The following NF1 variants were observed in gnomAD, a reference collection of about 807,000 sequenced individuals.
The protein encoded by NF1 is neurofibromin.
Under a neutral mutation model 325.7 loss-of-function variants are expected in NF1, and 122 were observed. The observed-to-expected ratio is 0.37, with a 90% CI of 0.32 to 0.44. NF1 has a LOEUF of 0.44. Ranked by LOEUF, NF1 falls within the 20% of genes least tolerant of loss-of-function variation. The pLI is 1.00. For missense variants in NF1, 2,140 were observed against 3,415.4 expected (o/e 0.63, Z 9.31); for synonymous variants, 1,091 against 1,186.0 (o/e 0.92, Z 1.65).
At chr17:31,350,039 A>G in intron 49 of NF1, 144 bp from the exon 50 acceptor site, 4 of 814,652 alleles carry the variant, frequency 4.9e-6, no homozygotes, top group Non-Finnish European at 6.3e-6. Flanking sequence ...ATCTCTCTGT[A>G]TATTTCACAT....
intron 1 of NF1, chr17:31,136,615 C>T (rs1265898093): frequency 6.6e-6 from 1 of 152,168 alleles, no homozygotes; most frequent in Non-Finnish European, 1.5e-5. Flanking sequence ...CTGTTAGTCA[C>T]TTAGTAGCCA....
intron 31 of NF1, chr17:31,254,269 C>CT (rs1197452956): frequency 6.3e-5 from 6 of 95,220 alleles, no homozygotes; most frequent in Non-Finnish European, 9.6e-5. Flanking sequence ...AAGACCCTGT[C>CT]TCACAAAAAA....
At chr17:31,123,872 A>G (rs1914642516) in intron 1 of NF1, among the ~76,000 whole-genome samples, 2 of 152,164 alleles carry the variant, frequency 1.3e-5, no homozygotes. Context: ...ATTTTGTTCT[A>G]GAAAGCATTT....
intron 1 of NF1, among the ~76,000 whole-genome samples, chr17:31,141,007 G>C (rs549694731): frequency 2.7e-4 from 41 of 152,268 alleles, no homozygotes; most frequent in Admixed American, 4.6e-4. Flanking sequence ...GAATGAAGAA[G>C]TCTGGAGAGC....
intron 1 of NF1, among the ~76,000 whole-genome samples, chr17:31,095,822 A>G (rs1911645440): frequency 6.6e-6 from 1 of 152,060 alleles, no homozygotes; most frequent in South Asian, 2.1e-4. Context: ...GCGAACCCTA[A>G]GGCCTGTCTT....
chr17:31,338,236 A>G (rs894682810), intron 45 of NF1, 97 bp downstream of exon 45: 13 of 872,918 alleles, frequency 1.5e-5, no homozygotes, highest in Middle Eastern at 2.2e-4. Context: ...TTTGAGGTCA[A>G]TGAAATATCT....
intron 50 of NF1, among the ~76,000 whole-genome samples, chr17:31,351,016 T>TTCTA (rs1427981473): frequency 1.3e-5 from 2 of 152,226 alleles, no homozygotes; most frequent in African/African-American, 2.4e-5. Flanking sequence ...TTCCTTAAGA[T>TTCTA]TCTAACAATG....
chr17:31,366,365 C>T (rs538166621), intron 57 of NF1, among the ~76,000 whole-genome samples: 44 of 152,278 alleles, frequency 2.9e-4, no homozygotes, highest in African/African-American at 1.0e-3. Context: ...AGACTCCCTT[C>T]TTCCATTTTT....
intron 5 of NF1, among the ~76,000 whole-genome samples, chr17:31,179,856 A>AGACT (rs1186374435): frequency 6.6e-6 from 1 of 152,190 alleles, no homozygotes; most frequent in Non-Finnish European, 1.5e-5. Context: ...ACCACTAGCC[A>AGACT]GACTCATAAA....
intron 36 of NF1, among the ~76,000 whole-genome samples, chr17:31,268,677 G>A (rs1294308664): frequency 6.6e-6 from 1 of 150,578 alleles, no homozygotes; most frequent in African/African-American, 2.4e-5. Context: ...ATCAGGGGCT[G>A]TTCTTAGGTA....
At position 31,326,119 on chromosome 17, in the gene NF1, C is replaced by T. The variant is rs2151538637; in HGVS notation, c.5135C>T (p.Pro1712Leu). 6.2e-7 allele frequency: 1 copy of T among 1,613,128 alleles called. No homozygotes were observed. The highest frequency in any genetic ancestry group is 8.5e-7 in the Non-Finnish European group (1 of 1,179,378). Reference protein sequence around the residue: ...GSKRLVFIDCPGKLAEHIEHE... With the variant: ...GSKRLVFIDCLGKLAEHIEHE... ...AAAAGGCTTGTTTTCATAGACTGTCCTGGGAAACTGGCTGAGCACATAGAG... is the reference window on the plus strand; with the variant it reads ...AAAAGGCTTGTTTTCATAGACTGTCTTGGGAAACTGGCTGAGCACATAGAG... Residue 1712 changes from proline to leucine, a missense_variant, in exon 37 of 58, where the codon CCT becomes CTT. Coordinates refer to ENST00000358273, the MANE Select transcript of NF1 (RefSeq NM_001042492.3).
In NF1 at chr17:31,336,984, AT is replaced by A; in HGVS notation, c.6427+72del. The A allele has an allele frequency of 6.7e-7, 1 of 1,502,222 alleles. No individual in the cohort carries two copies. The highest frequency in any genetic ancestry group is 9.1e-7 in the Non-Finnish European group (1 of 1,093,724). 93.1% of individuals were successfully genotyped at this position (1,502,222 alleles called of 1,614,324 possible). On this transcript the variant is annotated intron_variant, in intron 42 of 57. Transcript: ENST00000358273. The surrounding 1 kb of genome is among the most constrained non-coding windows in gnomAD (Gnocchi z 5.5). ...ATTTTACTTCACCTGATCAATATAG[AT>A]TATCTTATTTATGTTTGTGCTCTAA...
At chr17:31,279,162 G>T (rs1252468107) in intron 36 of NF1, among the ~76,000 whole-genome samples, 1 of 152,084 alleles carries the variant, frequency 6.6e-6, no homozygotes, top group Non-Finnish European at 1.5e-5. Context: ...CAAGTAGATC[G>T]CCTGACCCCA....
chr17:31,296,062 A>C, intron 36 of NF1: 1 of 1,613,978 alleles, frequency 6.2e-7, no homozygotes, highest in South Asian at 1.1e-5. Flanking sequence ...GCAGGCTTTC[A>C]AGCCTGTTGT....
chr17:31,276,269 C>A (rs2151480554), intron 36 of NF1, among the ~76,000 whole-genome samples: 1 of 150,590 alleles, frequency 6.6e-6, no homozygotes, highest in South Asian at 2.1e-4. Flanking sequence ...TGAAATACCT[C>A]CTGTTTCTCC....
intron 33 of NF1, among the ~76,000 whole-genome samples, chr17:31,259,640 C>T (rs2067649363): frequency 6.6e-6 from 1 of 152,168 alleles, no homozygotes; most frequent in African/African-American, 2.4e-5. Context: ...TGCTAGATTT[C>T]TATAACTAGT....
At chr17:31,123,256 G>A (rs1372266719) in intron 1 of NF1, among the ~76,000 whole-genome samples, 4 of 152,056 alleles carry the variant, frequency 2.6e-5, no homozygotes, top group Admixed American at 2.6e-4. Context: ...CAAATCCCAG[G>A]GGTAAACATC....
At chr17:31,236,106 C>A in intron 29 of NF1, 85 bp downstream of exon 29, 2 of 926,250 alleles carry the variant, frequency 2.2e-6, no homozygotes, top group Non-Finnish European at 3.5e-6. Flanking sequence ...TGAAGCAAGG[C>A]ACCTTCTCCC....
chr17:31,182,372 G>A (rs1017647033), intron 7 of NF1, 136 bp from the exon 8 acceptor site: 20 of 738,044 alleles, frequency 2.7e-5, no homozygotes, highest in Non-Finnish European at 4.1e-5. Flanking sequence ...ATGCATTTGT[G>A]TAGTTGCTTA....
Sources: gnomAD v4.1 joint callset for allele counts (sites outside exome capture counted in the v4.1 genomes callset) on GRCh38, gnomAD v4.1.1 for gene constraint, Gnocchi (gnomAD v3.1) non-coding constraint, MANE v1.5 for transcripts, NCBI Gene and HGNC (gene_info 2026-07-23, HGNC 2026-07-21) for gene names.